Variants in PRKN observed in about 807,000 individuals in gnomAD.
PRKN encodes E3 ubiquitin-protein ligase parkin.
Under a neutral mutation model 59.5 loss-of-function variants are expected in PRKN, and 56 were observed. That is an observed-to-expected ratio of 0.94 (90% CI 0.76 to 1.18). The LOEUF (loss-of-function observed/expected upper bound fraction) is 1.18, where lower values mean the gene tolerates loss of function less well. Among genes scored for constraint, PRKN ranks in the 50% most tolerant of loss-of-function variants. PRKN has a pLI of 0.00. For synonymous variants in PRKN, 250 were observed against 222.1 expected, an observed-to-expected ratio of 1.13 and a Z score of -1.12; for missense variants, 657 against 596.4, an observed-to-expected ratio of 1.10 and a Z score of -1.06.
intron 2 of PRKN, among the ~76,000 whole-genome samples, chr6:162,416,406 C>T (rs886850790): frequency 2.0e-5 from 3 of 152,182 alleles, no homozygotes; most frequent in Non-Finnish European, 2.9e-5. Flanking sequence ...CAAGTCTATT[C>T]GGTCTGTGCC....
At chr6:162,363,623 T>TC (rs5881471) in intron 2 of PRKN, among the ~76,000 whole-genome samples, 152,294 of 152,298 alleles carry the variant, frequency 1, 76,145 homozygotes, top group Middle Eastern at 1. Context: ...TCATCATTGT[T>TC]ACTATTATGC....
At chr6:162,065,314 T>G (rs554106461) in intron 4 of PRKN, among the ~76,000 whole-genome samples, 2 of 152,304 alleles carry the variant, frequency 1.3e-5, no homozygotes, top group Middle Eastern at 6.8e-3. Flanking sequence ...TGGAGTCTGA[T>G]GTCCAAGGGC....
rs994261949 is a variant in PRKN at position 162,288,434 on chromosome 6, G to A, written c.172-25669C>T. Reference sequence around the variant, plus strand: ...TCAGATATACGTCAAGTCTGTAATCGGCTGGCTTGTTCAGCAAAAGGGAGA... The same window carrying A: ...TCAGATATACGTCAAGTCTGTAATCAGCTGGCTTGTTCAGCAAAAGGGAGA... On this transcript the variant is annotated intron_variant, in intron 2 of 11. Coordinates refer to ENST00000366898, the MANE Select transcript of PRKN (RefSeq NM_004562.3). 3.9e-5 allele frequency among the ~76,000 whole-genome samples: 6 copies of A among 152,022 alleles called. No individual in the cohort carries two copies. In the East Asian group the frequency reaches 5.8e-4, roughly 15 times the overall value.
intron 2 of PRKN, among the ~76,000 whole-genome samples, chr6:162,266,298 TTGTGTGTGTGTGTGTGTG>T (rs60841593): frequency 1.4e-5 from 2 of 146,092 alleles, no homozygotes; most frequent in Non-Finnish European, 3.0e-5. Flanking sequence ...TACATATATA[TTGTGTGTGTGTGTGTGTG>T]TGTGTGTGTG....
intron 7 of PRKN, among the ~76,000 whole-genome samples, chr6:161,725,202 A>T (rs1787391618): frequency 6.6e-6 from 1 of 152,226 alleles, no homozygotes; most frequent in Non-Finnish European, 1.5e-5. Context: ...AGGACGGCCT[A>T]ACACGGTGGA....
In PRKN at chr6:161,582,876, C is replaced by G. The variant is rs899315574; in HGVS notation, c.872-13460G>C. Among the ~76,000 whole-genome samples, 7 of 151,948 alleles carry G rather than the reference C, an allele frequency of 4.6e-5. No homozygotes were observed. The highest frequency in any genetic ancestry group is 1.7e-4 in the African/African-American group (7 of 41,472). On this transcript the variant is annotated intron_variant, in intron 7 of 11. Transcript: ENST00000366898. The surrounding 1 kb of genome is among the most constrained non-coding windows in gnomAD (Gnocchi z 4.4). ...TCAATGCTGCATCCATGTAGCTGATCCCAGCATAGGCCTGACATAGGAAAA... is the reference window on the plus strand; with the variant it reads ...TCAATGCTGCATCCATGTAGCTGATGCCAGCATAGGCCTGACATAGGAAAA...
At chr6:162,501,433 C>T (rs6455836) in intron 1 of PRKN, among the ~76,000 whole-genome samples, 45,725 of 149,876 alleles carry the variant, frequency 0.31, 7,353 homozygotes, top group East Asian at 0.45. Context: ...CTGCAGCCTC[C>T]ACCTCCCTGG....
intron 7 of PRKN, among the ~76,000 whole-genome samples, chr6:161,612,521 G>A (rs1250754226): frequency 6.6e-6 from 1 of 151,942 alleles, no homozygotes; most frequent in African/African-American, 2.4e-5. Flanking sequence ...AGGAGTTCAC[G>A]ACCAGCCTGG....
chr6:162,029,063 G>A (rs1783542783), intron 5 of PRKN, among the ~76,000 whole-genome samples: 2 of 152,114 alleles, frequency 1.3e-5, no homozygotes, highest in African/African-American at 4.8e-5. Context: ...GACTGTATTT[G>A]TGCCCAAATA....
chr6:162,391,937 C>T (rs1787219995), intron 2 of PRKN, among the ~76,000 whole-genome samples: 1 of 152,134 alleles, frequency 6.6e-6, no homozygotes, highest in Admixed American at 6.5e-5. Context: ...AAATAGTGCA[C>T]TTGGCTAAGA....
At position 162,201,186 on chromosome 6, in the gene PRKN, C is replaced by G; in HGVS notation, c.479G>C (p.Gly160Ala). Reference protein sequence around the residue: ...CKGPCQRVQPGKLRVQCSTCR... With the variant: ...CKGPCQRVQPAKLRVQCSTCR... ...GGTGCTGCACTGTACCCTGAGTTTT[C>G]CCGGCTGCACTCTTTGACAGGGGCC... is the stretch of plus-strand genomic sequence containing the variant. The change falls in exon 4 of 12, where the codon GGA becomes GCA. Residue 160 changes from glycine (G) to alanine (A), a missense_variant. By Grantham distance (60) the Gly-to-Ala change is moderately conservative. Transcript: ENST00000366898. The G allele has an allele frequency of 6.2e-7, 1 of 1,614,084 alleles. No homozygotes were observed. Among genetic ancestry groups the G allele is most frequent in the South Asian group, 1.1e-5 (1 of 91,088 alleles).
intron 4 of PRKN, among the ~76,000 whole-genome samples, chr6:162,100,486 G>T (rs1361806253): frequency 1.1e-4 from 15 of 142,646 alleles, no homozygotes; most frequent in Non-Finnish European, 2.0e-4. Flanking sequence ...ATGTCGCTTT[G>T]TCACCCAGGC....
intron 7 of PRKN, among the ~76,000 whole-genome samples, chr6:161,772,990 C>A (rs1275692361): frequency 2.0e-5 from 3 of 152,060 alleles, no homozygotes; most frequent in African/African-American, 4.8e-5. Flanking sequence ...CAAAAACTTG[C>A]ATTATTTAGG....
rs71544915 is a variant in PRKN at position 161,733,770 on chromosome 6, G to GAAAAAAAAAAA, written c.871+51991_871+52001dup. On this transcript the variant is annotated intron_variant, in intron 7 of 11. Coordinates refer to ENST00000366898, the MANE Select transcript of PRKN (RefSeq NM_004562.3). Reference sequence around the variant, plus strand: ...GTATTGTTGAAAATTCCCAGGGGGTGAAAAAAAAAAAAAATATATATATAT... The same window carrying GAAAAAAAAAAA: ...GTATTGTTGAAAATTCCCAGGGGGTGAAAAAAAAAAAAAAAAAAAAAAAAATATATATATAT... Among the ~76,000 whole-genome samples the GAAAAAAAAAAA allele has an allele frequency of 2.9e-5, 3 of 102,428 alleles. 1 individual carries two copies. The highest frequency in any genetic ancestry group is 1.3e-4 in the African/African-American group (3 of 23,056). 67.2% of individuals were successfully genotyped at this position (102,428 alleles called of 152,430 possible).
chr6:161,756,442 GAAAAAAAAA>G (rs57399165), intron 7 of PRKN, among the ~76,000 whole-genome samples: 4 of 74,714 alleles, frequency 5.4e-5, no homozygotes, highest in African/African-American at 1.1e-4. Flanking sequence ...ACCTTGTCTC[GAAAAAAAAA>G]AAAAAAAAAA....
chr6:162,518,969 C>A (rs1479698826), intron 1 of PRKN, among the ~76,000 whole-genome samples: 2 of 152,126 alleles, frequency 1.3e-5, no homozygotes, highest in Non-Finnish European at 2.9e-5. Flanking sequence ...TTAAAACTTA[C>A]TGGCTCGGGG....
At chr6:161,698,951 A>C (rs905005620) in intron 7 of PRKN, among the ~76,000 whole-genome samples, 1 of 152,176 alleles carries the variant, frequency 6.6e-6, no homozygotes, top group Non-Finnish European at 1.5e-5. Context: ...AAAAGACTGA[A>C]ACAGCAACCT....
intron 4 of PRKN, among the ~76,000 whole-genome samples, chr6:162,174,761 A>G (rs1783455927): frequency 6.6e-6 from 1 of 152,214 alleles, no homozygotes; most frequent in African/African-American, 2.4e-5. Flanking sequence ...TCCCATTCAT[A>G]GGAAACACAT....
intron 6 of PRKN, among the ~76,000 whole-genome samples, chr6:161,834,705 T>C (rs764940007): frequency 1.8e-4 from 28 of 152,188 alleles, no homozygotes; most frequent in Non-Finnish European, 2.2e-4. Context: ...GATGATGATA[T>C]CCACAGGCAG....
Sources: gnomAD v4.1 joint callset for allele counts (sites outside exome capture counted in the v4.1 genomes callset) on GRCh38, gnomAD v4.1.1 for gene constraint, Gnocchi (gnomAD v3.1) non-coding constraint, MANE v1.5 for transcripts, NCBI Gene and HGNC (gene_info 2026-07-23, HGNC 2026-07-21) for gene names.